The following ADAMTSL3 variants were observed in gnomAD, a reference collection of about 807,000 sequenced individuals.
ADAMTSL3 encodes the protein ADAMTS-like protein 3.
A neutral mutation model predicts 201.7 loss-of-function variants in ADAMTSL3; 128 were observed. That is an observed-to-expected ratio of 0.63 (90% CI 0.55 to 0.73). ADAMTSL3 has a LOEUF of 0.73. Among genes scored for constraint, ADAMTSL3 ranks in the 30% least tolerant of loss-of-function variants. ADAMTSL3 has a pLI of 0.00. For missense variants in ADAMTSL3, 1,990 were observed against 2,119.6 expected (o/e 0.94, Z 1.20); for synonymous variants, 738 against 748.4 (o/e 0.99, Z 0.23).
intron 17 of ADAMTSL3, among the ~76,000 whole-genome samples, chr15:83,935,731 C>A (rs1424749720): frequency 6.6e-6 from 1 of 152,038 alleles, no homozygotes; most frequent in Non-Finnish European, 1.5e-5. Flanking sequence ...AATTCACTGT[C>A]AGCCTAGAAT....
Position 83,814,639 on chromosome 15 carries a change from A to G in ADAMTSL3, c.364-5172A>G, listed in dbSNP as rs1394881566. ...GCCACCAACAATTTATTTTTATGCTAGAAATGTTGTCATTTGTTATATGAA... is the reference window on the plus strand; with the variant it reads ...GCCACCAACAATTTATTTTTATGCTGGAAATGTTGTCATTTGTTATATGAA... On this transcript the variant is annotated intron_variant, in intron 5 of 29. Transcript: ENST00000286744. Among the ~76,000 whole-genome samples the G allele has an allele frequency of 2.0e-5, 3 of 152,246 alleles. No individual in the cohort carries two copies. The East Asian group carries it at 5.8e-4, about 29-fold the overall frequency.
At chr15:83,705,436 A>T (rs1000172376) in intron 3 of ADAMTSL3, among the ~76,000 whole-genome samples, 2 of 152,172 alleles carry the variant, frequency 1.3e-5, no homozygotes, top group Admixed American at 1.3e-4. Flanking sequence ...TGATTTAGGT[A>T]AAGCCTAGTC....
chr15:84,035,166 A>G (rs957947691), intron 28 of ADAMTSL3, among the ~76,000 whole-genome samples: 1 of 152,172 alleles, frequency 6.6e-6, no homozygotes, highest in African/African-American at 2.4e-5. Context: ...AGAAAGCTCA[A>G]TAGTCCTGTC....
rs114274667 is a variant in ADAMTSL3, at chr15:83,676,231, T to C, written c.69+20401T>C. 4.9e-3 allele frequency among the ~76,000 whole-genome samples: 747 copies of C among 152,346 alleles called. 4 individuals carry two copies. Among genetic ancestry groups the C allele is most frequent in the African/African-American group, 0.017 (708 of 41,578 alleles). On this transcript the variant is annotated intron_variant, in intron 2 of 29. Transcript: ENST00000286744. ...TTTTTCTAATGCAAGCATTTAGTGCTATAAATTTCTCTCTCTGTAACTGAG... is the reference window on the plus strand; with the variant it reads ...TTTTTCTAATGCAAGCATTTAGTGCCATAAATTTCTCTCTCTGTAACTGAG...
chr15:83,704,136 G>C (rs2061815064), intron 2 of ADAMTSL3, among the ~76,000 whole-genome samples: 1 of 152,164 alleles, frequency 6.6e-6, no homozygotes, highest in African/African-American at 2.4e-5. Flanking sequence ...CGGGGAGGGG[G>C]AGAGAGGCAG....
chr15:83,780,125 A>G (rs1032892538), intron 4 of ADAMTSL3, among the ~76,000 whole-genome samples: 13 of 152,166 alleles, frequency 8.5e-5, no homozygotes, highest in African/African-American at 2.9e-4. Context: ...CGAAAGATCA[A>G]TGAGCCGGGT....
chr15:83,837,802 G>GAA (rs11373772), intron 6 of ADAMTSL3, among the ~76,000 whole-genome samples: 30 of 135,780 alleles, frequency 2.2e-4, no homozygotes, highest in Non-Finnish European at 3.8e-4. Flanking sequence ...ATCTTGTCTT[G>GAA]AAAAAAAAAA....
intron 20 of ADAMTSL3, among the ~76,000 whole-genome samples, chr15:83,978,111 G>A (rs979617134): frequency 6.6e-6 from 1 of 152,210 alleles, no homozygotes; most frequent in African/African-American, 2.4e-5. Flanking sequence ...CATGGCCAGA[G>A]CAAATGCTGC....
At chr15:83,735,433 C>T (rs993682990) in intron 3 of ADAMTSL3, among the ~76,000 whole-genome samples, 6 of 152,126 alleles carry the variant, frequency 3.9e-5, no homozygotes, top group Non-Finnish European at 8.8e-5. Flanking sequence ...AGAAAGTAGC[C>T]TTAGCCCACA....
At chr15:83,903,933 A>G (rs1191524338) in intron 15 of ADAMTSL3, among the ~76,000 whole-genome samples, 334 of 24,410 alleles carry the variant, frequency 0.014, 34 homozygotes, top group African/African-American at 0.077. Flanking sequence ...AAAAAAAAAA[A>G]AAAAAAAAAA....
At chr15:83,991,250 T>A (rs367905232) in intron 23 of ADAMTSL3, 36 bp downstream of exon 23, 93 of 1,613,138 alleles carry the variant, frequency 5.8e-5, no homozygotes, top group Non-Finnish European at 7.6e-5. Flanking sequence ...GCCATTTCAG[T>A]GGGAGGTAAG....
At chr15:84,003,248 G>A (rs959071112) in intron 23 of ADAMTSL3, among the ~76,000 whole-genome samples, 1 of 151,898 alleles carries the variant, frequency 6.6e-6, no homozygotes, top group South Asian at 2.1e-4. Flanking sequence ...ACGGTGCCTG[G>A]CCTCCCACTT....
At chr15:84,026,743 A>G (rs962747627) in intron 27 of ADAMTSL3, among the ~76,000 whole-genome samples, 2 of 152,210 alleles carry the variant, frequency 1.3e-5, no homozygotes, top group African/African-American at 4.8e-5. Context: ...CAAAAAAGGA[A>G]GTTGGACCCT....
intron 8 of ADAMTSL3, chr15:83,861,637 A>C (rs1282672019): frequency 6.6e-6 from 1 of 152,286 alleles, no homozygotes; most frequent in Non-Finnish European, 1.5e-5. Flanking sequence ...CACCATCATC[A>C]AAGACCAAAG....
At chr15:83,843,553 C>G (rs1051530563) in intron 7 of ADAMTSL3, among the ~76,000 whole-genome samples, 1 of 152,162 alleles carries the variant, frequency 6.6e-6, no homozygotes, top group Non-Finnish European at 1.5e-5. Flanking sequence ...AAGCACTTCC[C>G]TATAATCATG....
chr15:83,780,264 G>T (rs898735261), intron 4 of ADAMTSL3, among the ~76,000 whole-genome samples: 3 of 152,082 alleles, frequency 2.0e-5, no homozygotes, highest in African/African-American at 7.2e-5. Flanking sequence ...ACAAAAATTA[G>T]CTGGGCATGG....
intron 2 of ADAMTSL3, among the ~76,000 whole-genome samples, chr15:83,683,255 A>C (rs1163819790): frequency 6.6e-6 from 1 of 152,122 alleles, no homozygotes; most frequent in African/African-American, 2.4e-5. Context: ...TAGTGTGGCC[A>C]ATTGTGTATT....
intron 2 of ADAMTSL3, among the ~76,000 whole-genome samples, chr15:83,658,495 G>A (rs1043667208): frequency 1.3e-5 from 2 of 152,250 alleles, no homozygotes. Flanking sequence ...TGTAGAACAA[G>A]GTAAGAGGCT....
chr15:83,934,012 TG>T (rs2066413935), intron 17 of ADAMTSL3, among the ~76,000 whole-genome samples: 1 of 152,122 alleles, frequency 6.6e-6, no homozygotes, highest in Admixed American at 6.5e-5. Context: ...AAGGGAAATG[TG>T]GGGTCAGAAT....
Sources: gnomAD v4.1 joint callset for allele counts (sites outside exome capture counted in the v4.1 genomes callset) on GRCh38, gnomAD v4.1.1 for gene constraint, MANE v1.5 for transcripts, NCBI Gene and HGNC (gene_info 2026-07-23, HGNC 2026-07-21) for gene names.